Variants in DYNC2H1 observed in about 807,000 individuals in gnomAD.
DYNC2H1 encodes the protein cytoplasmic dynein 2 heavy chain 1.
DYNC2H1 carries 410 observed loss-of-function variants against 570.0 expected under a neutral mutation model. The ratio of observed to expected loss-of-function variants is 0.72; its 90% confidence interval spans 0.66 to 0.78. DYNC2H1 has a LOEUF of 0.78. Ranked by LOEUF, DYNC2H1 falls within the 30% of genes least tolerant of loss-of-function variation. DYNC2H1 has a pLI of 0.00. For synonymous variants in DYNC2H1, 1,688 were observed against 1,677.6 expected, an observed-to-expected ratio of 1.01 and a Z score of -0.15; for missense variants, 4,865 against 5,046.4, an observed-to-expected ratio of 0.96 and a Z score of 1.09.
intron 83 of DYNC2H1, among the ~76,000 whole-genome samples, chr11:103,360,678 A>G (rs2135531422): frequency 6.6e-6 from 1 of 152,256 alleles, no homozygotes; most frequent in African/African-American, 2.4e-5. Flanking sequence ...TGAGTACGTA[A>G]TGTGTTTCAG....
In DYNC2H1 at chr11:103,153,416, T is replaced by A; in HGVS notation, c.3210T>A (p.Thr1070=). 1.3e-6 allele frequency: 2 copies of A among 1,563,418 alleles called. No homozygotes were observed. The highest frequency in any genetic ancestry group is 8.7e-7 in the Non-Finnish European group (1 of 1,153,004). ...QLKPGDDVIE[T]GQHNTLDKSA... The stretch of plus-strand genomic sequence containing the variant: ...AGCCTGGTGATGATGTTATTGAAAC[T>A]GGCCAACATAATACTCTTGATAAAA... The change falls in exon 22 of 89, where the codon ACT becomes ACA. Residue 1070 remains threonine (T), a synonymous_variant. Coordinates refer to ENST00000375735, the MANE Select transcript of DYNC2H1 (RefSeq NM_001377.3).
At chr11:103,329,217 A>G (rs749531601) in intron 82 of DYNC2H1, among the ~76,000 whole-genome samples, 1 of 151,834 alleles carries the variant, frequency 6.6e-6, no homozygotes, top group Non-Finnish European at 1.5e-5. Context: ...AGATGGGAAA[A>G]TCTTTGAAAG....
At chr11:103,144,120 C>G (rs1860112729) in intron 18 of DYNC2H1, among the ~76,000 whole-genome samples, 1 of 152,138 alleles carries the variant, frequency 6.6e-6, no homozygotes, top group African/African-American at 2.4e-5. Context: ...TGCAATAAGA[C>G]AAATATATTT....
Position 103,275,540 on chromosome 11 carries a change from T to G in DYNC2H1, c.10696-4808T>G, listed in dbSNP as rs1865873663. Among the ~76,000 whole-genome samples the G allele has an allele frequency of 6.6e-6, 1 of 152,242 alleles. No homozygotes were observed. Among genetic ancestry groups the G allele is most frequent in the African/African-American group, 2.4e-5 (1 of 41,468 alleles). The stretch of plus-strand genomic sequence containing the variant: ...CCCTGGCAAACGCTGATCCTTTTAC[T>G]GCCTATAGTTTTGCCTGTTCCAAAT... On this transcript the variant is annotated intron_variant, in intron 70 of 88. Transcript: ENST00000375735. This position sits in a 1 kb window ranked among gnomAD's most constrained non-coding sequence, Gnocchi z 4.8.
chr11:103,381,592 G>A (rs2135580094), intron 83 of DYNC2H1, among the ~76,000 whole-genome samples: 1 of 152,304 alleles, frequency 6.6e-6, no homozygotes, highest in Non-Finnish European at 1.5e-5. Flanking sequence ...GGGATTACAG[G>A]CACCTGCCAC....
At chr11:103,458,363 C>T (rs1249238184) in intron 87 of DYNC2H1, among the ~76,000 whole-genome samples, 1 of 152,086 alleles carries the variant, frequency 6.6e-6, no homozygotes, top group African/African-American at 2.4e-5. Context: ...TGTTTAAGTA[C>T]ACTCTCATGT....
At chr11:103,339,890 C>T (rs1439527890) in intron 82 of DYNC2H1, among the ~76,000 whole-genome samples, 4 of 152,196 alleles carry the variant, frequency 2.6e-5, no homozygotes, top group Non-Finnish European at 4.4e-5. Flanking sequence ...TGTTTGCCCC[C>T]TCTGTGAGCA....
intron 72 of DYNC2H1, among the ~76,000 whole-genome samples, chr11:103,282,552 A>G (rs1866182705): frequency 6.6e-6 from 1 of 151,384 alleles, no homozygotes; most frequent in South Asian, 2.1e-4. Flanking sequence ...TTTCTTATAT[A>G]CTTGGAGTTT....
intron 82 of DYNC2H1, among the ~76,000 whole-genome samples, chr11:103,332,358 A>G (rs1245532753): frequency 6.6e-6 from 1 of 151,810 alleles, no homozygotes; most frequent in Non-Finnish European, 1.5e-5. Context: ...GAATTGGGAG[A>G]CAAAATCAAA....
chr11:103,269,177 GC>G (rs374942952), intron 70 of DYNC2H1, among the ~76,000 whole-genome samples: 3 of 152,124 alleles, frequency 2.0e-5, no homozygotes, highest in African/African-American at 7.2e-5. Flanking sequence ...TTTTTAAAAA[GC>G]TATTTTTAAG....
chr11:103,356,552 C>T (rs902965950), intron 82 of DYNC2H1, among the ~76,000 whole-genome samples: 1 of 152,050 alleles, frequency 6.6e-6, no homozygotes, highest in Admixed American at 6.6e-5. Context: ...ATTTAAAACA[C>T]GAATAAGTGA....
At chr11:103,406,719 A>T (rs1942878253) in intron 84 of DYNC2H1, 1 of 151,914 alleles carries the variant, frequency 6.6e-6, no homozygotes, top group South Asian at 2.1e-4. Context: ...GTAGGCTAGG[A>T]TTTTGTGTAG....
intron 83 of DYNC2H1, among the ~76,000 whole-genome samples, chr11:103,385,233 A>T (rs913492164): frequency 3.3e-5 from 5 of 152,062 alleles, no homozygotes; most frequent in African/African-American, 1.2e-4. Flanking sequence ...AGTACTATCA[A>T]CATCTGAGTT....
chr11:103,390,449 C>T (rs1478300820), intron 83 of DYNC2H1, among the ~76,000 whole-genome samples: 1 of 151,952 alleles, frequency 6.6e-6, no homozygotes, highest in Non-Finnish European at 1.5e-5. Context: ...GACTCTTTAT[C>T]CAATTTACCA....
At chr11:103,122,781 T>C in intron 10 of DYNC2H1, 44 bp from the exon 11 acceptor site, 1 of 1,553,634 alleles carries the variant, frequency 6.4e-7, no homozygotes, top group South Asian at 1.2e-5. Context: ...GCTAATTTTT[T>C]TGGAATTTAA....
In DYNC2H1 at chr11:103,135,681, C is replaced by T. The variant is rs777021280; in HGVS notation, c.2346-39C>T. ...AATTTAATGTTCATTGTATAATTTTCTAACAATTTATGTTTTAAAGTTATT... is the reference window on the plus strand; with the variant it reads ...AATTTAATGTTCATTGTATAATTTTTTAACAATTTATGTTTTAAAGTTATT... On this transcript the variant is annotated intron_variant, in intron 16 of 88. Coordinates refer to ENST00000375735, the MANE Select transcript of DYNC2H1 (RefSeq NM_001377.3). The T allele has an allele frequency of 7.5e-6, 12 of 1,605,808 alleles. No homozygotes were observed. The Admixed American group carries it at 2.0e-4, about 27-fold the overall frequency.
At chr11:103,111,644 C>T (rs749430132) in intron 1 of DYNC2H1, among the ~76,000 whole-genome samples, 3 of 151,830 alleles carry the variant, frequency 2.0e-5, no homozygotes, top group Middle Eastern at 3.4e-3. Context: ...GGTTTGGATT[C>T]GTGAAAGTGT....
At chr11:103,242,970 C>T (rs1864474365) in intron 63 of DYNC2H1, among the ~76,000 whole-genome samples, 1 of 152,162 alleles carries the variant, frequency 6.6e-6, no homozygotes, top group African/African-American at 2.4e-5. Flanking sequence ...CTATCCACCT[C>T]AGCCTCCCAA....
chr11:103,251,284 T>G (rs1864819202), intron 65 of DYNC2H1, among the ~76,000 whole-genome samples: 2 of 152,132 alleles, frequency 1.3e-5, no homozygotes, highest in South Asian at 4.1e-4. Flanking sequence ...CTTCTTTATC[T>G]CTATAAATGT....
Sources: gnomAD v4.1 joint callset for allele counts (sites outside exome capture counted in the v4.1 genomes callset) on GRCh38, gnomAD v4.1.1 for gene constraint, Gnocchi (gnomAD v3.1) non-coding constraint, MANE v1.5 for transcripts, NCBI Gene and HGNC (gene_info 2026-07-23, HGNC 2026-07-21) for gene names.